Variants in APBA1 observed in about 807,000 individuals in gnomAD.
APBA1 encodes the protein amyloid beta precursor protein binding family A member 1.
Under a neutral mutation model 86.6 loss-of-function variants are expected in APBA1, and 55 were observed. That is an observed-to-expected ratio of 0.64 (90% CI 0.51 to 0.80). The LOEUF is 0.80. Among genes scored for constraint, APBA1 ranks in the 30% least tolerant of loss-of-function variants. The probability of loss-of-function intolerance (pLI) is 0.00; values close to 1 mark genes in which losing one functional copy is unlikely to be tolerated. For missense variants in APBA1, 1,090 were observed against 1,183.0 expected (o/e 0.92, Z 1.15); for synonymous variants, 511 against 493.9 (o/e 1.03, Z -0.46).
rs933248176 is a variant in APBA1, at chr9:69,474,486, T to C, written c.1296+1562A>G. The C allele has an allele frequency of 2.6e-5, 4 of 152,262 alleles. No individual in the cohort carries two copies. The East Asian group carries it at 7.7e-4, about 29-fold the overall frequency. 9.4% of individuals were successfully genotyped at this position (152,262 alleles called of 1,614,324 possible). A position where few individuals can be genotyped will look rare whatever the true frequency, so the allele number is the denominator to read the frequency against. On this transcript the variant is annotated intron_variant, in intron 3 of 12. Coordinates refer to ENST00000265381, the MANE Select transcript of APBA1 (RefSeq NM_001163.4). Reference sequence around the variant, plus strand: ...AGCCCAGTTCCTGGAACATTGTCAATGCTCAAGAAACGATAGTGCTCATGA... The same window carrying C: ...AGCCCAGTTCCTGGAACATTGTCAACGCTCAAGAAACGATAGTGCTCATGA...
chr9:69,519,689 T>C (rs115816680), intron 1 of APBA1, among the ~76,000 whole-genome samples: 2,236 of 152,284 alleles, frequency 0.015, 53 homozygotes, highest in African/African-American at 0.05. Context: ...CCACAGAAAG[T>C]ACCTGAATGA....
At chr9:69,475,807 T>C (rs1287221702) in intron 3 of APBA1, among the ~76,000 whole-genome samples, 3 of 152,234 alleles carry the variant, frequency 2.0e-5, no homozygotes, top group Non-Finnish European at 4.4e-5. Flanking sequence ...ATGTGGCTAC[T>C]GTGCTTGAGG....
At chr9:69,666,959 T>C (rs976263674) in intron 1 of APBA1, among the ~76,000 whole-genome samples, 4 of 152,232 alleles carry the variant, frequency 2.6e-5, no homozygotes, top group Non-Finnish European at 5.9e-5. Flanking sequence ...TGAATGCATA[T>C]GATGGGTATG....
intron 2 of APBA1, among the ~76,000 whole-genome samples, chr9:69,504,897 G>A (rs1835931338): frequency 6.6e-6 from 1 of 152,018 alleles, no homozygotes; most frequent in South Asian, 2.1e-4. Context: ...AGGCATCACA[G>A]GAAGTTTAAT....
intron 1 of APBA1, among the ~76,000 whole-genome samples, chr9:69,527,927 CT>C (rs1408674249): frequency 1.3e-5 from 2 of 151,966 alleles, no homozygotes; most frequent in Non-Finnish European, 2.9e-5. Flanking sequence ...TATCATGCAC[CT>C]TATTTAGAAG....
chr9:69,436,263 C>T (rs1466906930), intron 11 of APBA1, among the ~76,000 whole-genome samples: 1 of 149,908 alleles, frequency 6.7e-6, no homozygotes, highest in Non-Finnish European at 1.5e-5. Context: ...GCAATGTGGG[C>T]TCTTTTTTGG....
chr9:69,449,276 C>T (rs1276416945), intron 10 of APBA1, among the ~76,000 whole-genome samples: 1 of 152,166 alleles, frequency 6.6e-6, no homozygotes, highest in African/African-American at 2.4e-5. Flanking sequence ...TCTGTTGAGG[C>T]TGAGTCTGGG....
chr9:69,488,268 A>T (rs1031857584), intron 2 of APBA1, among the ~76,000 whole-genome samples: 1 of 152,108 alleles, frequency 6.6e-6, no homozygotes, highest in Non-Finnish European at 1.5e-5. Context: ...CTTTCTGAAC[A>T]TGCTACAAAA....
At chr9:69,637,374 G>T (rs2134004713) in intron 1 of APBA1, among the ~76,000 whole-genome samples, 1 of 152,254 alleles carries the variant, frequency 6.6e-6, no homozygotes, top group South Asian at 2.1e-4. Flanking sequence ...ACTATAATTG[G>T]ATTGTTTGTA....
chr9:69,470,118 A>G (rs1216086188), intron 4 of APBA1, among the ~76,000 whole-genome samples: 3 of 152,134 alleles, frequency 2.0e-5, no homozygotes, highest in Non-Finnish European at 4.4e-5. Context: ...AGACCTAAAC[A>G]CCTTTTGAGA....
chr9:69,584,857 T>C (rs1368113406), intron 1 of APBA1, among the ~76,000 whole-genome samples: 1 of 152,234 alleles, frequency 6.6e-6, no homozygotes, highest in East Asian at 1.9e-4. Context: ...CATTTCATTA[T>C]GTCCAGGATG....
chr9:69,591,828 T>A (rs1460392630), intron 1 of APBA1, among the ~76,000 whole-genome samples: 2 of 152,246 alleles, frequency 1.3e-5, no homozygotes, highest in Admixed American at 1.3e-4. Context: ...CTTTCCCATG[T>A]GATAGGTACA....
chr9:69,480,757 TC>T (rs1256232361), intron 2 of APBA1, among the ~76,000 whole-genome samples: 29 of 59,528 alleles, frequency 4.9e-4, no homozygotes, highest in African/African-American at 2.0e-3. Flanking sequence ...CAGCAGCACA[TC>T]AAAAAGCTTA....
intron 1 of APBA1, among the ~76,000 whole-genome samples, chr9:69,600,062 T>C (rs1822316177): frequency 6.6e-6 from 1 of 152,160 alleles, no homozygotes; most frequent in Admixed American, 6.5e-5. Flanking sequence ...GGGGAGCAGC[T>C]GCTATACTCC....
intron 1 of APBA1, among the ~76,000 whole-genome samples, chr9:69,563,926 A>T (rs1836986193): frequency 6.6e-6 from 1 of 152,106 alleles, no homozygotes; most frequent in African/African-American, 2.4e-5. Flanking sequence ...GTCTCTCCTC[A>T]AGGTCAAGTC....
rs111998775 is a variant in APBA1, at chr9:69,626,939, A to C, written c.-70+45214T>G. Among the ~76,000 whole-genome samples the C allele has an allele frequency of 5.2e-3, 787 of 151,788 alleles. 6 individuals are homozygous for C. The highest frequency in any genetic ancestry group is 0.018 in the African/African-American group (739 of 41,408). ...AAACTTGGACAATTTCCGAGTTATTATTTTAAATAATACCTTTACTTTTGC... is the reference window on the plus strand; with the variant it reads ...AAACTTGGACAATTTCCGAGTTATTCTTTTAAATAATACCTTTACTTTTGC... On this transcript the variant is annotated intron_variant, in intron 1 of 12. Transcript: ENST00000265381.
chr9:69,561,789 C>T lies in APBA1; in HGVS notation c.-69-44510G>A, dbSNP rs141451723. Among the ~76,000 whole-genome samples the T allele has an allele frequency of 2.4e-4, 36 of 152,148 alleles. 1 individual carries two copies. In the East Asian group the frequency reaches 5.6e-3, roughly 24 times the overall value. On this transcript the variant is annotated intron_variant, in intron 1 of 12. Coordinates refer to ENST00000265381, the MANE Select transcript of APBA1 (RefSeq NM_001163.4). The stretch of plus-strand genomic sequence containing the variant: ...GGGATTACAGGTGCACTGTGCCTGG[C>T]TAATTTTTGTATTTTTCAGTAGAGA...
At chr9:69,630,536 T>C (rs1351074098) in intron 1 of APBA1, among the ~76,000 whole-genome samples, 1 of 152,186 alleles carries the variant, frequency 6.6e-6, no homozygotes, top group African/African-American at 2.4e-5. Flanking sequence ...CTCTACCTCC[T>C]GGCCCTCCTA....
Position 69,437,490 on chromosome 9 carries a change from C to T in APBA1, c.2301+3506G>A, listed in dbSNP as rs1229729772. Among the ~76,000 whole-genome samples the T allele has an allele frequency of 2.5e-3, 295 of 118,882 alleles. 1 individual carries two copies. The highest frequency in any genetic ancestry group is 5.8e-3 in the Admixed American group (64 of 11,062). The allele number at this position is 118,882 out of a possible 152,430, so 78.0% of individuals were successfully genotyped here. On this transcript the variant is annotated intron_variant, in intron 11 of 12. Transcript: ENST00000265381. ...GGTCTATTCAGAGATTCAACTTCTT[C>T]CTGGTTTAGTCTTGGGAGGGTGTAT...
Sources: allele counts gnomAD v4.1 joint callset (sites outside exome capture counted in the v4.1 genomes callset), GRCh38; gene constraint gnomAD v4.1.1; transcripts MANE v1.5; gene names NCBI Gene and HGNC (gene_info 2026-07-23, HGNC 2026-07-21).